Variants in NKAIN2 observed in about 807,000 individuals in gnomAD.
NKAIN2 encodes sodium/potassium-transporting ATPase subunit beta-1-interacting protein 2.
In NKAIN2, 14 loss-of-function variants were observed where a neutral mutation model predicts 32.6. That is an observed-to-expected ratio of 0.43 (90% confidence interval 0.28 to 0.67). The LOEUF is 0.67. Ranked by LOEUF, NKAIN2 falls within the 30% of genes least tolerant of loss-of-function variation. The pLI is 0.17. For missense variants in NKAIN2, 198 were observed against 258.3 expected (o/e 0.77, Z 1.60); for synonymous variants, 80 against 87.2 (o/e 0.92, Z 0.46).
intron 1 of NKAIN2, among the ~76,000 whole-genome samples, chr6:123,867,744 G>C (rs1217808880): frequency 6.6e-6 from 1 of 151,914 alleles, no homozygotes; most frequent in African/African-American, 2.4e-5. Context: ...CCTCTTCTCT[G>C]AATCTTTCTC....
chr6:124,064,140 AC>A (rs1438443720), intron 1 of NKAIN2, among the ~76,000 whole-genome samples: 1 of 151,962 alleles, frequency 6.6e-6, no homozygotes, highest in Non-Finnish European at 1.5e-5. Flanking sequence ...CTTAGTATAG[AC>A]TGGGTTTCAC....
chr6:124,495,933 C>T (rs74364169), intron 3 of NKAIN2, among the ~76,000 whole-genome samples: 1,889 of 152,130 alleles, frequency 0.012, 38 homozygotes, highest in African/African-American at 0.043. Flanking sequence ...GGAGTTGGCA[C>T]GATGTACATA....
chr6:124,779,340 G>A (rs1379020143), intron 4 of NKAIN2, among the ~76,000 whole-genome samples: 7 of 146,790 alleles, frequency 4.8e-5, no homozygotes, highest in Non-Finnish European at 1.1e-4. Flanking sequence ...AGGAAGGAAG[G>A]AAGGAAGGAA....
intron 1 of NKAIN2, among the ~76,000 whole-genome samples, chr6:123,987,766 A>G (rs1435552766): frequency 6.6e-6 from 1 of 152,010 alleles, no homozygotes; most frequent in Non-Finnish European, 1.5e-5. Flanking sequence ...CTTTGAATCA[A>G]TCTCCCACTC....
chr6:124,511,809 C>T (rs891494397), intron 3 of NKAIN2, among the ~76,000 whole-genome samples: 1 of 152,080 alleles, frequency 6.6e-6, no homozygotes, highest in African/African-American at 2.4e-5. Context: ...AAATCTTGCC[C>T]TCTTTTCAAG....
At chr6:124,550,935 G>A (rs1780264275) in intron 3 of NKAIN2, among the ~76,000 whole-genome samples, 1 of 152,190 alleles carries the variant, frequency 6.6e-6, no homozygotes, top group African/African-American at 2.4e-5. Context: ...ATGGAAGTTT[G>A]AAGATAGAGA....
chr6:124,804,987 C>T (rs1172458624), intron 5 of NKAIN2, among the ~76,000 whole-genome samples: 14 of 152,140 alleles, frequency 9.2e-5, no homozygotes, highest in Non-Finnish European at 1.9e-4. Context: ...ACAAAGCAGC[C>T]GGGAAGCTCG....
chr6:124,604,039 T>C (rs966835753), intron 3 of NKAIN2, among the ~76,000 whole-genome samples: 3 of 152,030 alleles, frequency 2.0e-5, no homozygotes, highest in African/African-American at 4.8e-5. Context: ...ACAGTTTTCT[T>C]TGAGAATCAA....
intron 1 of NKAIN2, among the ~76,000 whole-genome samples, chr6:124,026,872 C>A (rs1466175834): frequency 2.0e-5 from 3 of 152,178 alleles, no homozygotes; most frequent in African/African-American, 7.2e-5. Context: ...CACTTCCACA[C>A]TTCACTTTCA....
At chr6:124,115,762 G>A (rs1224763483) in intron 1 of NKAIN2, among the ~76,000 whole-genome samples, 3 of 151,930 alleles carry the variant, frequency 2.0e-5, no homozygotes, top group Admixed American at 6.6e-5. Flanking sequence ...GTAGCAAACT[G>A]CCATTATAAT....
At chr6:124,252,414 C>A (rs149948661) in intron 1 of NKAIN2, among the ~76,000 whole-genome samples, 1 of 152,048 alleles carries the variant, frequency 6.6e-6, no homozygotes, top group East Asian at 1.9e-4. Context: ...GAAAAGGAAT[C>A]ATTAATACAA....
chr6:123,823,777 G>A (rs1774023083), intron 1 of NKAIN2, among the ~76,000 whole-genome samples: 1 of 152,042 alleles, frequency 6.6e-6, no homozygotes, highest in South Asian at 2.1e-4. Context: ...AGAAGAGGAA[G>A]GAGCAAACCA....
intron 2 of NKAIN2, 101 bp downstream of exon 2, chr6:124,283,243 T>C (rs1428953708): frequency 2.7e-6 from 2 of 732,724 alleles, no homozygotes; most frequent in Admixed American, 2.4e-5. Context: ...ATCTTAAAGA[T>C]GTGGATACTC....
intron 1 of NKAIN2, among the ~76,000 whole-genome samples, chr6:123,963,913 A>G (rs532824419): frequency 6.6e-6 from 1 of 152,312 alleles, no homozygotes; most frequent in African/African-American, 2.4e-5. Flanking sequence ...TCCCTGTATA[A>G]TCAACATGCA....
intron 4 of NKAIN2, among the ~76,000 whole-genome samples, chr6:124,775,339 T>G (rs929111446): frequency 1.3e-5 from 2 of 152,184 alleles, no homozygotes; most frequent in African/African-American, 4.8e-5. Context: ...TTTCTTGGGA[T>G]GAAGCCAGCC....
chr6:124,051,387 G>GAT, intron 1 of NKAIN2, among the ~76,000 whole-genome samples: 1 of 151,938 alleles, frequency 6.6e-6, no homozygotes, highest in Non-Finnish European at 1.5e-5. Context: ...ATGCCATTGA[G>GAT]ATATAGCATT....
intron 1 of NKAIN2, among the ~76,000 whole-genome samples, chr6:124,254,275 G>A (rs1282713891): frequency 6.6e-6 from 1 of 152,200 alleles, no homozygotes; most frequent in Non-Finnish European, 1.5e-5. Flanking sequence ...TTCAATTGAA[G>A]TAATTTGCCC....
At chr6:124,155,292 A>G (rs962108653) in intron 1 of NKAIN2, among the ~76,000 whole-genome samples, 8 of 152,114 alleles carry the variant, frequency 5.3e-5, no homozygotes, top group Admixed American at 2.0e-4. Context: ...TATAGCTTCA[A>G]ACAGCTAGAA....
At chr6:124,301,176 A>G (rs1406270206) in intron 2 of NKAIN2, among the ~76,000 whole-genome samples, 1 of 152,178 alleles carries the variant, frequency 6.6e-6, no homozygotes, top group African/African-American at 2.4e-5. Flanking sequence ...GCTGTGGCTA[A>G]AAGGGGCCAA....
Sources: gnomAD v4.1 joint callset for allele counts (sites outside exome capture counted in the v4.1 genomes callset) on GRCh38, gnomAD v4.1.1 for gene constraint, MANE v1.5 for transcripts, NCBI Gene and HGNC (gene_info 2026-07-23, HGNC 2026-07-21) for gene names.